PDILT: variants seen among roughly 807,000 people sequenced by gnomAD.
The protein encoded by PDILT is protein disulfide isomerase like, testis expressed, also known as protein disulfide-isomerase-like protein of the testis.
PDILT carries 43 observed loss-of-function variants against 53.7 expected under a neutral mutation model. The observed-to-expected ratio is 0.80, with a 90% CI of 0.63 to 1.03. The LOEUF (loss-of-function observed/expected upper bound fraction) is 1.03, where lower values mean the gene tolerates loss of function less well. Among genes scored for constraint, PDILT ranks in the 50% least tolerant of loss-of-function variants. PDILT has a pLI of 0.00. For synonymous variants in PDILT, 282 were observed against 274.2 expected, an observed-to-expected ratio of 1.03 and a Z score of -0.28; for missense variants, 727 against 712.3, an observed-to-expected ratio of 1.02 and a Z score of -0.24.
At chr16:20,367,036 T>C (rs1393047772) in intron 8 of PDILT, among the ~76,000 whole-genome samples, 1 of 18,626 alleles carries the variant, frequency 5.4e-5, no homozygotes, top group Non-Finnish European at 1.4e-4. Flanking sequence ...TCTTTCTTTC[T>C]TTCTTTCTTT....
At chr16:20,399,357 G>A (rs1157110206) in intron 1 of PDILT, 50 bp from the exon 2 acceptor site, 2 of 1,581,278 alleles carry the variant, frequency 1.3e-6, no homozygotes, top group African/African-American at 1.3e-5. Flanking sequence ...AGGTGGTGGA[G>A]CCCCACGTCA....
chr16:20,399,627 C>T (rs1390437045), intron 1 of PDILT, among the ~76,000 whole-genome samples: 1 of 151,962 alleles, frequency 6.6e-6, no homozygotes, highest in East Asian at 1.9e-4. Context: ...AAGATAAGGT[C>T]CCATTTCAGA....
At chr16:20,385,536 A>T (rs1342109922) in intron 2 of PDILT, among the ~76,000 whole-genome samples, 1 of 152,190 alleles carries the variant, frequency 6.6e-6, no homozygotes, top group Non-Finnish European at 1.5e-5. Context: ...CCAAGCAATG[A>T]TTACACAAAG....
At position 20,366,991 on chromosome 16, in the gene PDILT, T is replaced by TTCCTTC. The variant is rs1471005920; in HGVS notation, c.1117-1452_1117-1451insGAAGGA. ...TCCTTCCTTCCTTCCTTCCTTCCTT[T>TTCCTTC]CTTTCTTTCTTTATTTATTTCTCTC... is the stretch of plus-strand genomic sequence containing the variant. On this transcript the variant is annotated intron_variant, in intron 8 of 11. Coordinates refer to ENST00000302451, the MANE Select transcript of PDILT (RefSeq NM_174924.2). 3.6e-5 allele frequency among the ~76,000 whole-genome samples: 5 copies of TTCCTTC among 139,200 alleles called. No homozygotes were observed. In the East Asian group the frequency reaches 1.3e-3, roughly 35 times the overall value. 91.3% of individuals were successfully genotyped at this position (139,200 alleles called of 152,430 possible).
At chr16:20,374,775 T>G in intron 5 of PDILT, 47 bp downstream of exon 5, 1 of 1,567,394 alleles carries the variant, frequency 6.4e-7, no homozygotes, top group Non-Finnish European at 8.6e-7. Context: ...ACGATTCCAC[T>G]ACTTTGAACC....
intron 8 of PDILT, among the ~76,000 whole-genome samples, chr16:20,366,936 TTTCCTTCCTTCCTTCC>T (rs554919222): frequency 2.7e-3 from 98 of 35,716 alleles, no homozygotes; most frequent in African/African-American, 5.7e-3. Flanking sequence ...AACCAAATTC[TTTCCTTCCTTCCTTCC>T]TTCCTTCCTT....
At chr16:20,378,768 G>A (rs1028400872) in intron 3 of PDILT, among the ~76,000 whole-genome samples, 2 of 152,060 alleles carry the variant, frequency 1.3e-5, no homozygotes, top group Admixed American at 6.6e-5. Context: ...CCATGTCCCC[G>A]CAAAGGACAC....
intron 2 of PDILT, among the ~76,000 whole-genome samples, chr16:20,398,424 C>G (rs1244633950): frequency 6.6e-6 from 1 of 152,154 alleles, no homozygotes; most frequent in Admixed American, 6.5e-5. Context: ...GAGTTCGCGA[C>G]CAGCCTGGCC....
chr16:20,399,397 A>C, intron 1 of PDILT, 90 bp from the exon 2 acceptor site: 1 of 1,389,514 alleles, frequency 7.2e-7, no homozygotes, highest in Non-Finnish European at 1.0e-6. Flanking sequence ...CAGCTGGTCC[A>C]TGTAGGGTGA....
intron 2 of PDILT, among the ~76,000 whole-genome samples, chr16:20,396,456 T>A (rs1258977308): frequency 6.6e-6 from 1 of 152,216 alleles, no homozygotes; most frequent in Non-Finnish European, 1.5e-5. Context: ...TTCTACTAAC[T>A]CTTTGGCTTT....
At chr16:20,365,395 C>G in intron 9 of PDILT, 25 bp downstream of exon 9, 1 of 1,612,378 alleles carries the variant, frequency 6.2e-7, no homozygotes, top group Non-Finnish European at 8.5e-7. Context: ...CCCGTTGCCT[C>G]AGAACCCCTC....
intron 3 of PDILT, among the ~76,000 whole-genome samples, chr16:20,380,786 G>A (rs1966451211): frequency 6.6e-6 from 1 of 152,192 alleles, no homozygotes; most frequent in Admixed American, 6.5e-5. Context: ...TGAATGAATG[G>A]GCTGAATGAA....
chr16:20,362,370 G>A, intron 10 of PDILT, 34 bp downstream of exon 10: 1 of 1,607,932 alleles, frequency 6.2e-7, no homozygotes, highest in Non-Finnish European at 8.5e-7. Context: ...ACATAACATT[G>A]TTTTCAGCCA....
intron 7 of PDILT, among the ~76,000 whole-genome samples, chr16:20,370,841 A>G (rs1966296304): frequency 1.3e-5 from 2 of 152,052 alleles, no homozygotes; most frequent in African/African-American, 4.8e-5. Flanking sequence ...TCACTGCTAC[A>G]CTCCCACCAG....
At chr16:20,379,118 A>T (rs1966426104) in intron 3 of PDILT, among the ~76,000 whole-genome samples, 1 of 151,966 alleles carries the variant, frequency 6.6e-6, no homozygotes, top group South Asian at 2.1e-4. Flanking sequence ...GGCTCAAGCC[A>T]TCCTCCCACC....
intron 2 of PDILT, among the ~76,000 whole-genome samples, chr16:20,389,348 C>A (rs1336789694): frequency 6.6e-6 from 1 of 152,110 alleles, no homozygotes; most frequent in Non-Finnish European, 1.5e-5. Flanking sequence ...TTAATAGATC[C>A]TACGTCTCAG....
chr16:20,372,956 C>G (rs750258937), intron 6 of PDILT, 29 bp from the exon 7 acceptor site: 1 of 1,613,722 alleles, frequency 6.2e-7, no homozygotes, highest in South Asian at 1.1e-5. Flanking sequence ...TATGTCATCC[C>G]AAGCACACAC....
In PDILT at chr16:20,366,981, TTC is replaced by T. The variant is rs1567320432; in HGVS notation, c.1117-1443_1117-1442del. Among the ~76,000 whole-genome samples, 506 of 57,070 alleles carry T rather than the reference TTC, an allele frequency of 8.9e-3. 28 individuals carry two copies. Among genetic ancestry groups the T allele is most frequent in the Middle Eastern group, 0.019 (2 of 104 alleles). 37.4% of individuals were successfully genotyped at this position (57,070 alleles called of 152,430 possible). Reference sequence around the variant, plus strand: ...CTTCCTTCCTTCCTTCCTTCCTTCCTTCCTTCCTTTCTTTCTTTCTTTATTTA... The same window carrying T: ...CTTCCTTCCTTCCTTCCTTCCTTCCTCTTCCTTTCTTTCTTTCTTTATTTA... On this transcript the variant is annotated intron_variant, in intron 8 of 11. Coordinates refer to ENST00000302451, the MANE Select transcript of PDILT (RefSeq NM_174924.2).
At chr16:20,368,698 C>G (rs1047754787) in intron 8 of PDILT, among the ~76,000 whole-genome samples, 1 of 152,006 alleles carries the variant, frequency 6.6e-6, no homozygotes, top group Non-Finnish European at 1.5e-5. Context: ...TAGGCTCAAG[C>G]AATGCTCCTG....
Sources: gnomAD v4.1 joint callset for allele counts (sites outside exome capture counted in the v4.1 genomes callset) on GRCh38, gnomAD v4.1.1 for gene constraint, MANE v1.5 for transcripts, NCBI Gene and HGNC (gene_info 2026-07-23, HGNC 2026-07-21) for gene names.